Variants in GRM7 observed in about 807,000 individuals in gnomAD.
GRM7 encodes the protein metabotropic glutamate receptor 7.
Under a neutral mutation model 84.5 loss-of-function variants are expected in GRM7, and 35 were observed. The observed-to-expected ratio is 0.41, with a 90% CI of 0.32 to 0.55. The LOEUF is 0.55. Among genes scored for constraint, GRM7 ranks in the 20% least tolerant of loss-of-function variants. GRM7 has a pLI of 0.19. For missense variants in GRM7, 1,003 were observed against 1,194.6 expected, an observed-to-expected ratio of 0.84 and a Z score of 2.36; for synonymous variants, 487 against 455.1, an observed-to-expected ratio of 1.07 and a Z score of -0.89.
At chr3:6,947,387 AT>A (rs1400528111) in intron 1 of GRM7, among the ~76,000 whole-genome samples, 2 of 152,162 alleles carry the variant, frequency 1.3e-5, no homozygotes, top group African/African-American at 4.8e-5. Flanking sequence ...CCAGCCTTGC[AT>A]CCCAGGGATG....
intron 5 of GRM7, among the ~76,000 whole-genome samples, chr3:7,447,712 G>A (rs555901990): frequency 6.8e-6 from 1 of 146,572 alleles, no homozygotes; most frequent in African/African-American, 2.5e-5. Flanking sequence ...TTTCTCAGAA[G>A]TTCCCCAGCA....
chr3:7,461,828 A>C (rs1698260975), intron 7 of GRM7, 106 bp downstream of exon 7: 2 of 1,005,984 alleles, frequency 2.0e-6, no homozygotes, highest in South Asian at 1.5e-5. Flanking sequence ...GTGCATATAC[A>C]AGTGAGCATG....
chr3:6,980,705 G>A lies in GRM7; in HGVS notation c.519+118798G>A, dbSNP rs573658143. Among the ~76,000 whole-genome samples, 20 of 152,298 alleles carry A rather than the reference G, an allele frequency of 1.3e-4. No individual in the cohort carries two copies. In the South Asian group the frequency reaches 4.1e-3, roughly 32 times the overall value. ...GTTCACAGGTCTCTTAGCCACTCACGTGCAAGTTCTTACTAGAGTGAAATT... is the reference window on the plus strand; with the variant it reads ...GTTCACAGGTCTCTTAGCCACTCACATGCAAGTTCTTACTAGAGTGAAATT... On this transcript the variant is annotated intron_variant, in intron 1 of 9. Coordinates refer to ENST00000357716, the MANE Select transcript of GRM7 (RefSeq NM_000844.4).
intron 2 of GRM7, among the ~76,000 whole-genome samples, chr3:7,238,727 T>C (rs183252558): frequency 6.6e-6 from 1 of 151,536 alleles, no homozygotes; most frequent in Non-Finnish European, 1.5e-5. Context: ...GCCCTTTCTA[T>C]TCTTTTCTTT....
At chr3:7,122,568 C>T (rs927951612) in intron 1 of GRM7, among the ~76,000 whole-genome samples, 1 of 152,060 alleles carries the variant, frequency 6.6e-6, no homozygotes, top group Non-Finnish European at 1.5e-5. Context: ...GTAGCTTTTA[C>T]CAGGTTGACT....
At chr3:7,715,493 G>T (rs778561015) in intron 9 of GRM7, among the ~76,000 whole-genome samples, 1 of 152,112 alleles carries the variant, frequency 6.6e-6, no homozygotes, top group Admixed American at 6.6e-5. Flanking sequence ...GGAGGAAAGA[G>T]ATGGTAACAT....
At chr3:7,691,079 T>C in intron 9 of GRM7, 1 of 449,682 alleles carries the variant, frequency 2.2e-6, no homozygotes. Context: ...GGATTACACT[T>C]TAAATTAACT....
chr3:7,399,207 AATAAT>A (rs869048262), intron 4 of GRM7, among the ~76,000 whole-genome samples: 5 of 150,014 alleles, frequency 3.3e-5, no homozygotes, highest in African/African-American at 5.0e-5. Context: ...TAATAATAAT[AATAAT>A]AAAATGTCCT....
At chr3:7,599,375 C>G (rs909874588) in intron 8 of GRM7, among the ~76,000 whole-genome samples, 2 of 151,998 alleles carry the variant, frequency 1.3e-5, no homozygotes, top group African/African-American at 4.8e-5. Context: ...TTGTAGGTCC[C>G]CAAAAAGGTT....
At chr3:7,139,176 G>C (rs958682684) in intron 1 of GRM7, among the ~76,000 whole-genome samples, 1 of 149,874 alleles carries the variant, frequency 6.7e-6, no homozygotes, top group Non-Finnish European at 1.5e-5. Context: ...ATAGGTATTT[G>C]ATTTTCTTAA....
chr3:7,218,415 G>T lies in GRM7; in HGVS notation c.736+71747G>T, dbSNP rs1312943729. ...AATTTGTGTTTTCCTTTTGTGAATT[G>T]CATGTGCCCATGTTTTATTTTTATT... On this transcript the variant is annotated intron_variant, in intron 2 of 9. Coordinates refer to ENST00000357716, the MANE Select transcript of GRM7 (RefSeq NM_000844.4). Among the ~76,000 whole-genome samples, 7 of 151,878 alleles carry T rather than the reference G, an allele frequency of 4.6e-5. 1 individual carries two copies. In the South Asian group the frequency reaches 6.2e-4, roughly 14 times the overall value.
intron 5 of GRM7, among the ~76,000 whole-genome samples, chr3:7,437,335 C>T (rs1163497372): frequency 2.6e-5 from 4 of 152,278 alleles, no homozygotes; most frequent in Non-Finnish European, 4.4e-5. Flanking sequence ...ATCCACTTCT[C>T]TCTCCTATCC....
intron 1 of GRM7, among the ~76,000 whole-genome samples, chr3:6,869,890 C>T (rs776973592): frequency 6.6e-6 from 1 of 152,134 alleles, no homozygotes; most frequent in East Asian, 1.9e-4. Flanking sequence ...ATAAGCTTTA[C>T]TCCTTCTTTC....
intron 1 of GRM7, among the ~76,000 whole-genome samples, chr3:7,110,545 A>C (rs973184802): frequency 3.3e-5 from 5 of 151,800 alleles, no homozygotes; most frequent in African/African-American, 1.2e-4. Flanking sequence ...CAGTGAGCCA[A>C]GATTGTGCCA....
chr3:7,010,173 G>A (rs1439491404), intron 1 of GRM7, among the ~76,000 whole-genome samples: 6 of 152,124 alleles, frequency 3.9e-5, no homozygotes, highest in Non-Finnish European at 7.4e-5. Flanking sequence ...AGCTCGGGAC[G>A]GGCATGGTGC....
chr3:7,190,882 A>G (rs1695689054), intron 2 of GRM7, among the ~76,000 whole-genome samples: 1 of 152,108 alleles, frequency 6.6e-6, no homozygotes, highest in Admixed American at 6.6e-5. Context: ...CCCAGGTATG[A>G]GAAATCCATT....
At chr3:7,315,917 C>G (rs74513549) in intron 4 of GRM7, among the ~76,000 whole-genome samples, 3,493 of 152,088 alleles carry the variant, frequency 0.023, 134 homozygotes, top group African/African-American at 0.079. Context: ...TCACACCTGA[C>G]AAGTGCTATA....
At chr3:7,409,992 A>G (rs959158969) in intron 4 of GRM7, among the ~76,000 whole-genome samples, 3 of 152,106 alleles carry the variant, frequency 2.0e-5, no homozygotes, top group African/African-American at 7.2e-5. Context: ...GATTCCTCAA[A>G]TTGCCTCAAC....
At chr3:7,516,004 A>T (rs148493668) in intron 7 of GRM7, among the ~76,000 whole-genome samples, 1 of 151,842 alleles carries the variant, frequency 6.6e-6, no homozygotes, top group Non-Finnish European at 1.5e-5. Flanking sequence ...TAAGAATAGT[A>T]ACAAATAAAA....
Sources: allele counts gnomAD v4.1 joint callset (sites outside exome capture counted in the v4.1 genomes callset), GRCh38; gene constraint gnomAD v4.1.1; transcripts MANE v1.5; gene names NCBI Gene and HGNC (gene_info 2026-07-23, HGNC 2026-07-21).